Variants in YME1L1 observed in about 807,000 individuals in gnomAD.
The protein encoded by YME1L1 is ATP-dependent zinc metalloprotease YME1L1.
A neutral mutation model predicts 90.4 loss-of-function variants in YME1L1; 39 were observed. The observed-to-expected ratio is 0.43, with a 90% CI of 0.33 to 0.56. The LOEUF (loss-of-function observed/expected upper bound fraction) is 0.56. YME1L1 is among the 20% of genes least tolerant of loss of function. YME1L1 has a pLI of 0.03. For missense variants in YME1L1, 617 were observed against 868.4 expected (o/e 0.71, Z 3.64); for synonymous variants, 284 against 287.3 (o/e 0.99, Z 0.12).
intron 9 of YME1L1, among the ~76,000 whole-genome samples, chr10:27,126,127 A>G (rs2056917012): frequency 6.6e-6 from 1 of 152,150 alleles, no homozygotes; most frequent in African/African-American, 2.4e-5. Context: ...ATATACATAA[A>G]GAGACAAAGT....
At chr10:27,148,499 G>A (rs888458047) in intron 2 of YME1L1, among the ~76,000 whole-genome samples, 2 of 152,006 alleles carry the variant, frequency 1.3e-5, no homozygotes, top group Non-Finnish European at 2.9e-5. Context: ...GACTTTCTCC[G>A]GTCTCTGCCA....
Position 27,124,702 on chromosome 10 carries a change from ACTC to A in YME1L1, c.950-1006_950-1004del, listed in dbSNP as rs540583607. On this transcript the variant is annotated intron_variant, in intron 9 of 18. Transcript: ENST00000376016. ...CTCAAATTTTCTACAAATTTAAAAT[ACTC>A]CTTGTGATTAGAAAGAGGAAGAGTG... is the stretch of plus-strand genomic sequence containing the variant. 4.2e-3 allele frequency among the ~76,000 whole-genome samples: 634 copies of A among 152,182 alleles called. 12 individuals carry two copies. Among genetic ancestry groups the A allele is most frequent in the East Asian group, 3.5e-3 (18 of 5,182 alleles).
intron 8 of YME1L1, among the ~76,000 whole-genome samples, chr10:27,128,468 C>T (rs981987120): frequency 2.0e-5 from 3 of 152,046 alleles, no homozygotes; most frequent in African/African-American, 7.2e-5. Context: ...GGCGTGGTGG[C>T]TCATGCCTGT....
At chr10:27,117,912 AAAAAT>A (rs1588584004) in intron 14 of YME1L1, among the ~76,000 whole-genome samples, 185 bp from the exon 15 acceptor site, 1 of 152,230 alleles carries the variant, frequency 6.6e-6, no homozygotes, top group African/African-American at 2.4e-5. Flanking sequence ...TACAAATGAA[AAAAAT>A]ACATTATAAC....
At position 27,110,789 on chromosome 10, in the gene YME1L1, A is replaced by G. The variant is rs1312729762; in HGVS notation, c.*1188T>C. ...ACAAAATACTGCTTCTCTGAAGTACATTTCATTAGGGAGAGTGACAGTAAT... is the reference window on the plus strand; with the variant it reads ...ACAAAATACTGCTTCTCTGAAGTACGTTTCATTAGGGAGAGTGACAGTAAT... On this transcript the variant is annotated 3_prime_UTR_variant, in exon 19 of 19. Transcript: ENST00000376016. 1 of 152,160 alleles carries G rather than the reference A, an allele frequency of 6.6e-6. No individual in the cohort carries two copies. The highest frequency in any genetic ancestry group is 1.9e-4 in the East Asian group (1 of 5,204). 9.4% of individuals were successfully genotyped at this position (152,160 alleles called of 1,614,324 possible). A position where few individuals can be genotyped will look rare whatever the true frequency, so the allele number is the denominator to read the frequency against.
In YME1L1 at chr10:27,152,415, TGCC is replaced by T. The variant is rs2057230358; in HGVS notation, c.33+1760_33+1762del. Reference sequence around the variant, plus strand: ...TGTTACCATCCTTCAAAGCAAGAAATGCCTGAGAGTCCTCACTATATTTGAGCC... The same window carrying T: ...TGTTACCATCCTTCAAAGCAAGAAATTGAGAGTCCTCACTATATTTGAGCC... On this transcript the variant is annotated intron_variant, in intron 1 of 18. Transcript: ENST00000376016. Among the ~76,000 whole-genome samples the T allele has an allele frequency of 2.0e-5, 3 of 152,314 alleles. No homozygotes were observed. In the South Asian group the frequency reaches 6.2e-4, roughly 32 times the overall value.
At position 27,112,085 on chromosome 10, in the gene YME1L1, AGTTTTCAAGATAT is replaced by A; in HGVS notation, c.2030_2042del (p.His677LeufsTer14). The A allele has an allele frequency of 6.2e-7, 1 of 1,613,916 alleles. No individual in the cohort carries two copies. The highest frequency in any genetic ancestry group is 8.5e-7 in the Non-Finnish European group (1 of 1,179,952). ...CGAGATTCTTATGCTCCTTTGCATG[AGTTTTCAAGATAT>A]GTTTTGCTCGTTCATATGAGTCCTG... On this transcript the variant is annotated frameshift_variant, in exon 19 of 19. Transcript: ENST00000376016. LOFTEE classifies it high-confidence loss of function.
At chr10:27,142,896 T>C (rs1242696320) in intron 3 of YME1L1, among the ~76,000 whole-genome samples, 2 of 151,960 alleles carry the variant, frequency 1.3e-5, no homozygotes, top group African/African-American at 2.4e-5. Context: ...TTTGTATTTT[T>C]AGTAGAGACG....
intron 7 of YME1L1, among the ~76,000 whole-genome samples, chr10:27,133,577 C>G (rs2056997557): frequency 6.6e-6 from 1 of 152,008 alleles, no homozygotes; most frequent in Non-Finnish European, 1.5e-5. Flanking sequence ...TGTACATATC[C>G]TTAATATTTA....
chr10:27,119,372 C>T lies in YME1L1; in HGVS notation c.1489G>A (p.Ala497Thr). 1 of 1,613,792 alleles carries T rather than the reference C, an allele frequency of 6.2e-7. No homozygotes were observed. Among genetic ancestry groups the T allele is most frequent in the Non-Finnish European group, 8.5e-7 (1 of 1,179,842 alleles). Reference protein sequence around the residue: ...AELENLVNQAALKAAVDGKEM... With the variant: ...AELENLVNQATLKAAVDGKEM... ...TTTCCATCAACAGCTGCTTTTAATGCAGCCTGGTTCACAAGATTCTCCAAC... is the reference window on the plus strand; with the variant it reads ...TTTCCATCAACAGCTGCTTTTAATGTAGCCTGGTTCACAAGATTCTCCAAC... The change falls in exon 14 of 19, where the codon GCA becomes ACA. Residue 497 changes from alanine to threonine, a missense_variant. Ala to Thr is a moderately conservative substitution (Grantham distance 58). Coordinates refer to ENST00000376016, the MANE Select transcript of YME1L1 (RefSeq NM_014263.4).
intron 17 of YME1L1, among the ~76,000 whole-genome samples, chr10:27,115,388 T>C (rs919997646): frequency 6.6e-6 from 1 of 151,206 alleles, no homozygotes; most frequent in African/African-American, 2.4e-5. Context: ...GTGGACTCAC[T>C]GTAGCCTCGA....
intron 13 of YME1L1, 140 bp downstream of exon 13, chr10:27,120,295 C>T (rs983159809): frequency 2.8e-5 from 17 of 603,642 alleles, no homozygotes; most frequent in Admixed American, 1.3e-4. Context: ...GACTTTTAAA[C>T]GAACATACTA....
intron 1 of YME1L1, 134 bp from the exon 2 acceptor site, chr10:27,149,174 C>T: frequency 1.4e-6 from 1 of 707,402 alleles, no homozygotes; most frequent in Non-Finnish European, 2.2e-6. Flanking sequence ...ACTGTAAGTA[C>T]TCAGATTTAC....
intron 14 of YME1L1, among the ~76,000 whole-genome samples, chr10:27,117,964 T>G (rs1323769569): frequency 1.3e-5 from 2 of 152,218 alleles, no homozygotes; most frequent in Non-Finnish European, 2.9e-5. Flanking sequence ...ATTAGTAATC[T>G]AGAGATGATT....
At chr10:27,145,321 A>T (rs541076623) in intron 3 of YME1L1, 107 bp downstream of exon 3, 2 of 927,668 alleles carry the variant, frequency 2.2e-6, no homozygotes, top group Non-Finnish European at 2.9e-6. Flanking sequence ...ACACTTCAGG[A>T]AAGAACCCAG....
intron 1 of YME1L1, among the ~76,000 whole-genome samples, chr10:27,151,469 G>A (rs2057215292): frequency 6.6e-6 from 1 of 152,228 alleles, no homozygotes; most frequent in Non-Finnish European, 1.5e-5. Flanking sequence ...TTTAATAGAT[G>A]AAGACAACAA....
intron 4 of YME1L1, among the ~76,000 whole-genome samples, chr10:27,140,751 A>G (rs982928127): frequency 1.3e-5 from 2 of 152,210 alleles, no homozygotes; most frequent in African/African-American, 4.8e-5. Context: ...TGCTGGGATT[A>G]CAGGCATAAG....
chr10:27,142,077 A>T (rs572851686), intron 4 of YME1L1, among the ~76,000 whole-genome samples: 10 of 150,724 alleles, frequency 6.6e-5, no homozygotes, highest in Admixed American at 2.0e-4. Flanking sequence ...TATATATATA[A>T]AATTAATTTC....
Position 27,134,989 on chromosome 10 carries a change from C to T in YME1L1, c.541-8G>A. The T allele has an allele frequency of 6.2e-7, 1 of 1,611,600 alleles. No homozygotes were observed. Among genetic ancestry groups the T allele is most frequent in the Non-Finnish European group, 8.5e-7 (1 of 1,179,660 alleles). On this transcript the variant is annotated splice_polypyrimidine_tract_variant and splice_region_variant and intron_variant, in intron 5 of 18. Coordinates refer to ENST00000376016, the MANE Select transcript of YME1L1 (RefSeq NM_014263.4). Reference sequence around the variant, plus strand: ...GTCCCGCAAAAGAAACCCCTGAATACACAAACAACACATCAGTACTGGTTA... The same window carrying T: ...GTCCCGCAAAAGAAACCCCTGAATATACAAACAACACATCAGTACTGGTTA...
Sources: allele counts gnomAD v4.1 joint callset (sites outside exome capture counted in the v4.1 genomes callset), GRCh38; gene constraint gnomAD v4.1.1; transcripts MANE v1.5; gene names NCBI Gene and HGNC (gene_info 2026-07-23, HGNC 2026-07-21).